Variants in STOX2 observed in about 807,000 individuals in gnomAD.
STOX2 encodes storkhead box 2, also known as storkhead-box protein 2.
Under a neutral mutation model 60.9 loss-of-function variants are expected in STOX2, and 28 were observed. The ratio of observed to expected loss-of-function variants is 0.46; its 90% CI spans 0.34 to 0.63. The LOEUF is 0.63. Among genes scored for constraint, STOX2 ranks in the 30% least tolerant of loss-of-function variants. The pLI is 0.01. For synonymous variants in STOX2, 472 were observed against 463.9 expected, an observed-to-expected ratio of 1.02 and a Z score of -0.22; for missense variants, 1,024 against 1,187.7, an observed-to-expected ratio of 0.86 and a Z score of 2.03.
intron 1 of STOX2, among the ~76,000 whole-genome samples, chr4:183,803,210 G>A (rs998222522): frequency 6.6e-6 from 1 of 152,046 alleles, no homozygotes; most frequent in Non-Finnish European, 1.5e-5. Flanking sequence ...TCTCCCACAG[G>A]GTCCCTCCCA....
intron 1 of STOX2, among the ~76,000 whole-genome samples, chr4:183,890,459 G>T (rs1230349231): frequency 8.7e-6 from 1 of 115,562 alleles, no homozygotes; most frequent in African/African-American, 3.1e-5. Context: ...CTCCAGCCTG[G>T]GCAACAGAGT....
chr4:183,800,147 T>C (rs1738726854), intron 1 of STOX2, among the ~76,000 whole-genome samples: 1 of 152,212 alleles, frequency 6.6e-6, no homozygotes, highest in African/African-American at 2.4e-5. Context: ...GTTTGAAAGA[T>C]TTTTATCTAC....
At chr4:183,879,933 G>C (rs1390930754) in intron 1 of STOX2, among the ~76,000 whole-genome samples, 2 of 152,066 alleles carry the variant, frequency 1.3e-5, no homozygotes, top group Non-Finnish European at 2.9e-5. Flanking sequence ...TAGTCCACTT[G>C]GTGCTGCTAA....
chr4:183,933,077 GT>G (rs1742483644), intron 1 of STOX2, among the ~76,000 whole-genome samples: 1 of 152,146 alleles, frequency 6.6e-6, no homozygotes, highest in Admixed American at 6.5e-5. Flanking sequence ...TTTCTGAATG[GT>G]TTATTAGTTA....
rs1402651777 is a variant in STOX2 at position 184,019,348 on chromosome 4, A to G, written c.*2064A>G. 4.6e-5 allele frequency: 7 copies of G among 152,210 alleles called. No individual in the cohort carries two copies. The highest frequency in any genetic ancestry group is 8.8e-5 in the Non-Finnish European group (6 of 68,044). 9.4% of individuals were successfully genotyped at this position (152,210 alleles called of 1,614,324 possible). ...TGATCATGTATCTAATAGACTACAT[A>G]GTTGGTTCCCTTGGGGAGTTATATA... On this transcript the variant is annotated 3_prime_UTR_variant, in exon 4 of 4. Coordinates refer to ENST00000308497, the MANE Select transcript of STOX2 (RefSeq NM_020225.3).
upstream of STOX2, among the ~76,000 whole-genome samples, chr4:183,902,365 G>A (rs1012157422): frequency 1.3e-5 from 2 of 152,256 alleles, no homozygotes; most frequent in East Asian, 3.9e-4. Context: ...TGTAATTAGT[G>A]TCTCTAATCT....
rs1393509302 is a variant in STOX2 at position 184,021,956 on chromosome 4, C to T, written c.*4672C>T. On this transcript the variant is annotated 3_prime_UTR_variant, in exon 4 of 4. Transcript: ENST00000308497. ...CCATCTCCCCCAGGACCATCCCGCC[C>T]ATTGTCAACGTCATCCAGGGCTCTT... 1 of 152,332 alleles carries T rather than the reference C, an allele frequency of 6.6e-6. No individual in the cohort carries two copies. Among genetic ancestry groups the T allele is most frequent in the African/African-American group, 2.4e-5 (1 of 41,450 alleles). The allele number at this position is 152,332 out of a possible 1,614,324, so 9.4% of individuals were successfully genotyped here.
chr4:183,871,462 T>C (rs1417173211), intron 1 of STOX2, among the ~76,000 whole-genome samples: 2 of 152,202 alleles, frequency 1.3e-5, no homozygotes, highest in African/African-American at 4.8e-5. Context: ...CTAGTCACTT[T>C]AGTTTTGGTA....
rs548751710 is a variant in STOX2, at chr4:183,995,801, C to T, written c.167-5524C>T. ...CCCCTTTTTTCTCTGTATCTCACCACCAGCCTGCCCCAGGGGAGCCTGAAC... is the reference window on the plus strand; with the variant it reads ...CCCCTTTTTTCTCTGTATCTCACCATCAGCCTGCCCCAGGGGAGCCTGAAC... On this transcript the variant is annotated intron_variant, in intron 1 of 3. Transcript: ENST00000308497. Among the ~76,000 whole-genome samples, 161 of 152,354 alleles carry T rather than the reference C, an allele frequency of 1.1e-3. 1 individual carries two copies. Among genetic ancestry groups the T allele is most frequent in the Non-Finnish European group, 2.0e-3 (136 of 68,034 alleles).
In STOX2 at chr4:184,011,374, A is replaced by G. The variant is rs1275250910; in HGVS notation, c.2536A>G (p.Ser846Gly). 6.2e-7 allele frequency: 1 copy of G among 1,613,652 alleles called. No individual in the cohort carries two copies. The highest frequency in any genetic ancestry group is 8.5e-7 in the Non-Finnish European group (1 of 1,179,738). ...QRATHSARLD[S>G]MDSSSITVDS... ...AGCCACCCATTCAGCCCGGCTCGAC[A>G]GCATGGACAGCAGCAGCATCACAGT... Residue 846 changes from serine (S) to glycine (G), a missense_variant, in exon 3 of 4, where the codon AGC becomes GGC. By Grantham distance (56) the Ser-to-Gly change is moderately conservative. This residue lies in a region of STOX2 where 922 missense variants were observed against 1,058.3 expected (regional missense o/e 0.87). Transcript: ENST00000308497. The surrounding 1 kb of genome is among the most constrained non-coding windows in gnomAD (Gnocchi z 4.4).
rs566582256 is a variant in STOX2, at chr4:183,804,900, C to T, written c.364+6845C>T. On this transcript the variant is annotated intron_variant, in intron 1 of 2. Coordinates refer to the STOX2 transcript ENST00000513034. ...TATAGATTAATTATGATCTTGAGCA[C>T]GTTTGTTTCCTTGTGGGTTTACTTT... Among the ~76,000 whole-genome samples the T allele has an allele frequency of 2.6e-4, 39 of 152,234 alleles. No individual in the cohort carries two copies. The South Asian group carries it at 6.4e-3, about 25-fold the overall frequency.
chr4:183,902,033 G>A (rs114048511), upstream of STOX2, among the ~76,000 whole-genome samples: 5 of 152,198 alleles, frequency 3.3e-5, no homozygotes, highest in East Asian at 1.9e-4. Context: ...TATATCTGAC[G>A]AGGAAGGCTT....
At chr4:183,803,297 A>G (rs1738810148) in intron 1 of STOX2, among the ~76,000 whole-genome samples, 1 of 152,092 alleles carries the variant, frequency 6.6e-6, no homozygotes, top group Non-Finnish European at 1.5e-5. Context: ...ACTGGTTTTG[A>G]ACTCCTGGCC....
chr4:183,981,563 T>C (rs1028196490), intron 1 of STOX2, among the ~76,000 whole-genome samples: 9 of 152,178 alleles, frequency 5.9e-5, no homozygotes, highest in Non-Finnish European at 1.0e-4. Context: ...ATCGTTTTCT[T>C]ATTGTTTAAT....
rs1434023837 is a variant in STOX2 at position 184,011,208 on chromosome 4, A to G, written c.2370A>G (p.Thr790=). 6.2e-7 allele frequency: 1 copy of G among 1,606,522 alleles called. No homozygotes were observed. The highest frequency in any genetic ancestry group is 8.5e-7 in the Non-Finnish European group (1 of 1,176,974). The change falls in exon 3 of 4, where the codon ACA becomes ACG. Residue 790 remains threonine, a synonymous_variant. Transcript: ENST00000308497. This position sits in a 1 kb window ranked among gnomAD's most constrained non-coding sequence, Gnocchi z 4.4. ...DDSEEGANKN[T]EEEKNREDVG... is the part of the protein sequence containing the mutation. Reference sequence around the variant, plus strand: ...CTGAGGAAGGGGCAAACAAGAACACAGAGGAGGAGAAAAATAGAGAGGACG... The same window carrying G: ...CTGAGGAAGGGGCAAACAAGAACACGGAGGAGGAGAAAAATAGAGAGGACG...
At chr4:183,975,526 C>G (rs754415060) in intron 1 of STOX2, among the ~76,000 whole-genome samples, 12 of 151,992 alleles carry the variant, frequency 7.9e-5, no homozygotes, top group Admixed American at 2.6e-4. Flanking sequence ...ATATAATAAG[C>G]AAACACCATC....
chr4:183,997,738 G>T (rs967193096), intron 1 of STOX2, among the ~76,000 whole-genome samples: 1 of 152,154 alleles, frequency 6.6e-6, no homozygotes, highest in African/African-American at 2.4e-5. Flanking sequence ...ATATATCTTA[G>T]TGCAGCACAA....
At chr4:183,950,607 T>C (rs796557791) in intron 1 of STOX2, among the ~76,000 whole-genome samples, 7 of 152,252 alleles carry the variant, frequency 4.6e-5, no homozygotes, top group African/African-American at 1.7e-4. Flanking sequence ...GCCGAGTTTG[T>C]CAAAGATCAC....
chr4:183,869,340 C>G (rs1388642271), intron 1 of STOX2, among the ~76,000 whole-genome samples: 1 of 152,152 alleles, frequency 6.6e-6, no homozygotes, highest in Non-Finnish European at 1.5e-5. Context: ...ATGTCCATAT[C>G]TGTGGTGCAT....
Sources: gnomAD v4.1 joint callset for allele counts (sites outside exome capture counted in the v4.1 genomes callset) on GRCh38, gnomAD v4.1.1 for gene constraint, gnomAD v4.1.1 regional missense constraint, Gnocchi (gnomAD v3.1) non-coding constraint, MANE v1.5 for transcripts, NCBI Gene and HGNC (gene_info 2026-07-23, HGNC 2026-07-21) for gene names.